CASQ1: variants seen among roughly 807,000 people sequenced by gnomAD.
CASQ1 encodes the protein calsequestrin-1.
CASQ1 carries 40 observed loss-of-function variants against 49.5 expected under a neutral mutation model. That is an observed-to-expected ratio of 0.81 (90% confidence interval 0.63 to 1.05). CASQ1 has a LOEUF of 1.05. Ranked by LOEUF, CASQ1 falls within the 50% of genes least tolerant of loss-of-function variation. CASQ1 has a pLI of 0.00. For synonymous variants in CASQ1, 174 were observed against 187.2 expected (o/e 0.93, Z 0.58); for missense variants, 469 against 486.9 (o/e 0.96, Z 0.35).
In CASQ1 at chr1:160,192,842, G is replaced by A. The variant is rs1654108752; in HGVS notation, c.320G>A (p.Gly107Glu). ...CTAGAAGACAAGGGTGTTGGCTTCG[G>A]GCTGGTAGACTCTGAGAAGGATGCA... The part of the protein sequence containing the change: ...QVLEDKGVGF[G>E]LVDSEKDAAV... The change falls in exon 2 of 11, where the codon GGG becomes GAG. Residue 107 changes from glycine to glutamate, a missense_variant. Physicochemically the swap from Gly to Glu is moderately conservative, Grantham distance 98. Transcript: ENST00000368078. 6.2e-7 allele frequency: 1 copy of A among 1,614,036 alleles called. No individual in the cohort carries two copies. Among genetic ancestry groups the A allele is most frequent in the Non-Finnish European group, 8.5e-7 (1 of 1,179,972 alleles).
intron 1 of CASQ1, 165 bp from the exon 2 acceptor site, chr1:160,192,637 G>C (rs1226870131): frequency 1.5e-6 from 1 of 654,914 alleles, no homozygotes; most frequent in East Asian, 2.6e-5. Flanking sequence ...AAACAGAACT[G>C]TGTGGCTGTA....
At chr1:160,199,465 C>T (rs1387953943) in intron 9 of CASQ1, among the ~76,000 whole-genome samples, 2 of 152,178 alleles carry the variant, frequency 1.3e-5, no homozygotes, top group Non-Finnish European at 2.9e-5. Context: ...ACTGAAAGAA[C>T]AAAGAGAAAC....
Position 160,190,646 on chromosome 1 carries a change from C to G in CASQ1, c.-106C>G, listed in dbSNP as rs552208723. 1.9e-6 allele frequency: 2 copies of G among 1,059,308 alleles called. No homozygotes were observed. The highest frequency in any genetic ancestry group is 2.7e-6 in the Non-Finnish European group (2 of 733,508). The allele number at this position is 1,059,308 out of a possible 1,614,324, so 65.6% of individuals were successfully genotyped here. A position where few individuals can be genotyped will look rare whatever the true frequency, so the allele number is the denominator to read the frequency against. On this transcript the variant is annotated 5_prime_UTR_variant, in exon 1 of 11. Transcript: ENST00000368078. ...CTGCTCTGGGCCATTCCCCAATCCCCCCTCCCACTTGAGCCCCTAACTCAG... is the reference window on the plus strand; with the variant it reads ...CTGCTCTGGGCCATTCCCCAATCCCGCCTCCCACTTGAGCCCCTAACTCAG...
chr1:160,193,302 A>G (rs1283390648), intron 2 of CASQ1, among the ~76,000 whole-genome samples: 1 of 152,046 alleles, frequency 6.6e-6, no homozygotes, highest in Admixed American at 6.5e-5. Context: ...GATTCTGGAC[A>G]TGCATGGGGG....
intron 10 of CASQ1, 71 bp downstream of exon 10, chr1:160,199,996 C>A: frequency 9.7e-7 from 1 of 1,032,634 alleles, no homozygotes; most frequent in Non-Finnish European, 1.5e-6. Flanking sequence ...CTCCTCCTCT[C>A]TGCTAACTAG....
chr1:160,191,049 A>T lies in CASQ1; in HGVS notation c.279+19A>T, dbSNP rs747983130. 8.7e-6 allele frequency: 14 copies of T among 1,611,552 alleles called. 1 individual carries two copies. In the South Asian group the frequency reaches 1.5e-4, roughly 18 times the overall value. ...CCTGGAGGTGAGTTGGGGGCACTGC[A>T]GGCCTGCAGAGCATGTCTAGCCCCT... On this transcript the variant is annotated intron_variant, in intron 1 of 10. Transcript: ENST00000368078.
At chr1:160,196,358 A>G (rs1202316500) in intron 6 of CASQ1, among the ~76,000 whole-genome samples, 1 of 152,136 alleles carries the variant, frequency 6.6e-6, no homozygotes, top group African/African-American at 2.4e-5. Context: ...TTCCATCTCT[A>G]TGATTATATT....
rs754341004 is a variant in CASQ1, at chr1:160,190,990, C to A, written c.239C>A (p.Ala80Asp). The change falls in exon 1 of 11, where the codon GCC becomes GAC. Residue 80 changes from alanine to aspartate, a missense_variant. By Grantham distance (126) the Ala-to-Asp change is moderately radical. Transcript: ENST00000368078. ...LYHEPPEDDK[A>D]SQRQFEMEEL... ...CATGAACCCCCCGAGGATGACAAGG[C>A]CTCACAAAGACAATTTGAGATGGAG... 1 of 1,614,130 alleles carries A rather than the reference C, an allele frequency of 6.2e-7. No individual in the cohort carries two copies. Among genetic ancestry groups the A allele is most frequent in the South Asian group, 1.1e-5 (1 of 91,082 alleles).
chr1:160,194,098 C>A, intron 3 of CASQ1, among the ~76,000 whole-genome samples: 1 of 151,216 alleles, frequency 6.6e-6, no homozygotes, highest in East Asian at 1.9e-4. Flanking sequence ...ACACACTACA[C>A]ATAGGCACCA....
chr1:160,190,892 C>A lies in CASQ1; in HGVS notation c.141C>A (p.Asp47Glu). The change falls in exon 1 of 11, where the codon GAC becomes GAA. Residue 47 changes from aspartate to glutamate, a missense_variant. Transcript: ENST00000368078. Reference sequence around the variant, plus strand: ...ACTTCCCTGAGTACGATGGTGTGGACCGTGTGATCAATGTCAATGCAAAGA... The same window carrying A: ...ACTTCCCTGAGTACGATGGTGTGGAACGTGTGATCAATGTCAATGCAAAGA... ...GLDFPEYDGV[D>E]RVINVNAKNY... 1 of 1,614,162 alleles carries A rather than the reference C, an allele frequency of 6.2e-7. No homozygotes were observed. The highest frequency in any genetic ancestry group is 1.1e-5 in the South Asian group (1 of 91,088).
At chr1:160,192,023 G>A (rs1351980819) in intron 1 of CASQ1, among the ~76,000 whole-genome samples, 3 of 152,174 alleles carry the variant, frequency 2.0e-5, no homozygotes, top group Non-Finnish European at 4.4e-5. Context: ...CCACCCCTCT[G>A]AGAATCACAG....
intron 3 of CASQ1, among the ~76,000 whole-genome samples, chr1:160,194,572 C>T (rs576589376): frequency 6.7e-6 from 1 of 149,868 alleles, no homozygotes; most frequent in African/African-American, 2.5e-5. Flanking sequence ...CATACCTGCA[C>T]ACCACACATG....
Position 160,195,394 on chromosome 1 carries a change from T to C in CASQ1, c.578-67T>C, listed in dbSNP as rs374085416. The C allele has an allele frequency of 2.6e-5, 37 of 1,425,490 alleles. No homozygotes were observed. In the East Asian group the frequency reaches 5.9e-4, roughly 23 times the overall value. 88.3% of individuals were successfully genotyped at this position (1,425,490 alleles called of 1,614,324 possible). On this transcript the variant is annotated intron_variant, in intron 4 of 10. Transcript: ENST00000368078. Reference sequence around the variant, plus strand: ...CCTGCCTGCAAAGAATTGGGGACGATAGTGGGGGATGATTCCCGGGCAGAC... The same window carrying C: ...CCTGCCTGCAAAGAATTGGGGACGACAGTGGGGGATGATTCCCGGGCAGAC...
At position 160,195,449 on chromosome 1, in the gene CASQ1, T is replaced by C. The variant is rs1376522738; in HGVS notation, c.578-12T>C. 1.2e-6 allele frequency: 2 copies of C among 1,613,348 alleles called. No individual in the cohort carries two copies. The highest frequency in any genetic ancestry group is 2.2e-5 in the South Asian group (2 of 91,068). On this transcript the variant is annotated splice_polypyrimidine_tract_variant and intron_variant, in intron 4 of 10. Coordinates refer to ENST00000368078, the MANE Select transcript of CASQ1 (RefSeq NM_001231.5). ...GTTTCCCCAGAGACTGACTCTGCAT[T>C]CCACCCCCCAGATTACAAAGCCTTC...
chr1:160,196,254 G>T (rs1654225580), intron 6 of CASQ1, among the ~76,000 whole-genome samples: 1 of 152,260 alleles, frequency 6.6e-6, no homozygotes, highest in South Asian at 2.1e-4. Flanking sequence ...TCATAAGTGT[G>T]TATAATTCAG....
Position 160,201,400 on chromosome 1 carries a change from C to G in CASQ1, c.*24C>G, listed in dbSNP as rs527650242. 6.2e-7 allele frequency: 1 copy of G among 1,612,318 alleles called. No homozygotes were observed. The highest frequency in any genetic ancestry group is 1.7e-5 in the Admixed American group (1 of 59,872). On this transcript the variant is annotated 3_prime_UTR_variant, in exon 11 of 11. Transcript: ENST00000368078. ...AGTTGCTATGGCAACCATCTTTCAG[C>G]CCCACTGGTCTTTTCATGCTCTCTC...
At position 160,195,983 on chromosome 1, in the gene CASQ1, C is replaced by A. The variant is rs781257529; in HGVS notation, c.738C>A (p.Pro246=). 1.2e-6 allele frequency: 2 copies of A among 1,613,994 alleles called. No homozygotes were observed. Among genetic ancestry groups the A allele is most frequent in the South Asian group, 2.2e-5 (2 of 91,064 alleles). Reference sequence around the variant, plus strand: ...AGCCTGTGACCATCCCAGACAAGCCCAATAGCGAAGAGGAGATTGTCAACT... The same window carrying A: ...AGCCTGTGACCATCCCAGACAAGCCAAATAGCGAAGAGGAGATTGTCAACT... The part of the protein sequence containing the change: ...MEEPVTIPDK[P]NSEEEIVNFV... Residue 246 remains proline, a synonymous_variant, in exon 6 of 11, where the codon CCC becomes CCA. Transcript: ENST00000368078.
rs567336006 is a variant in CASQ1 at position 160,192,829 on chromosome 1, G to A, written c.307G>A (p.Gly103Ser). 1.2e-5 allele frequency: 19 copies of A among 1,613,938 alleles called. No homozygotes were observed. The Admixed American group carries it at 2.8e-4, about 24-fold the overall frequency. ...AGCAGCCCAAGTCCTAGAAGACAAG[G>A]GTGTTGGCTTCGGGCTGGTAGACTC... is the stretch of plus-strand genomic sequence containing the variant. ...ELAAQVLEDK[G>S]VGFGLVDSEK... Residue 103 changes from glycine (G) to serine (S), a missense_variant, in exon 2 of 11, where the codon GGT (glycine) becomes AGT (serine). Physicochemically the swap from Gly to Ser is moderately conservative, Grantham distance 56. Transcript: ENST00000368078.
Position 160,197,610 on chromosome 1 carries a change from C to A in CASQ1, c.824C>A (p.Thr275Asn), listed in dbSNP as rs1654272203. 6.2e-7 allele frequency: 1 copy of A among 1,608,646 alleles called. No individual in the cohort carries two copies. The highest frequency in any genetic ancestry group is 8.5e-7 in the Non-Finnish European group (1 of 1,175,008). The change falls in exon 7 of 11, where the codon ACC becomes AAC. Residue 275 changes from threonine to asparagine, a missense_variant. Transcript: ENST00000368078. ...CTGAAGCCGGAGAGTATGTATGAGA[C>A]CTGGGTGAGTGCCCCTGGCCAGGGT... The part of the protein sequence containing the change: ...RKLKPESMYE[T>N]WEDDMDGIHI...
Sources: allele counts gnomAD v4.1 joint callset (sites outside exome capture counted in the v4.1 genomes callset), GRCh38; gene constraint gnomAD v4.1.1; transcripts MANE v1.5; gene names NCBI Gene and HGNC (gene_info 2026-07-23, HGNC 2026-07-21).